The following PDE1C variants were observed in gnomAD, a reference collection of about 807,000 sequenced individuals.
PDE1C encodes the protein dual specificity calcium/calmodulin-dependent 3',5'-cyclic nucleotide phosphodiesterase 1C.
A neutral mutation model predicts 93.1 loss-of-function variants in PDE1C; 62 were observed. The observed-to-expected ratio is 0.67, with a 90% CI of 0.54 to 0.82. PDE1C has a LOEUF of 0.82. Among genes scored for constraint, PDE1C ranks in the 40% least tolerant of loss-of-function variants. The pLI, the probability that PDE1C is intolerant of heterozygous loss-of-function variation, is 0.00. For missense variants in PDE1C, 742 were observed against 884.6 expected (o/e 0.84, Z 2.04); for synonymous variants, 325 against 310.1 (o/e 1.05, Z -0.50).
rs1427877759 is a variant in PDE1C at position 31,774,766 on chromosome 7, A to T, written c.1960+898T>A. Among the ~76,000 whole-genome samples, 7 of 152,260 alleles carry T rather than the reference A, an allele frequency of 4.6e-5. No individual in the cohort carries two copies. In the East Asian group the frequency reaches 1.3e-3, roughly 29 times the overall value. Reference sequence around the variant, plus strand: ...TAAAAGGAAGGAAACAAAACTCTACATAAAGTATTAATCTAATTCAAATCT... The same window carrying T: ...TAAAAGGAAGGAAACAAAACTCTACTTAAAGTATTAATCTAATTCAAATCT... On this transcript the variant is annotated intron_variant, in intron 17 of 17. Transcript: ENST00000396191.
At chr7:32,009,472 T>C (rs112739377) in intron 2 of PDE1C, among the ~76,000 whole-genome samples, 2 of 152,368 alleles carry the variant, frequency 1.3e-5, no homozygotes, top group African/African-American at 4.8e-5. Context: ...GCTGCTTTTG[T>C]ACTACAACAT....
chr7:31,908,521 G>T (rs1800865478), intron 2 of PDE1C, among the ~76,000 whole-genome samples: 1 of 152,124 alleles, frequency 6.6e-6, no homozygotes, highest in East Asian at 1.9e-4. Context: ...CAGTGACTGT[G>T]CCATGCCACA....
chr7:31,721,285 A>T, the PDE1C span, among the ~76,000 whole-genome samples: 410 of 152,372 alleles, frequency 2.7e-3, 2 homozygotes, highest in African/African-American at 9.4e-3. Flanking sequence ...AGCAAATGAC[A>T]TTCAATTATT....
chr7:32,193,186 T>C (rs1326259230), intron 2 of PDE1C, among the ~76,000 whole-genome samples: 1 of 152,198 alleles, frequency 6.6e-6, no homozygotes, highest in African/African-American at 2.4e-5. Context: ...CTTTCAACAC[T>C]ATGTTGAATA....
chr7:31,671,297 C>T, the PDE1C span, among the ~76,000 whole-genome samples: 1 of 152,152 alleles, frequency 6.6e-6, no homozygotes, highest in Non-Finnish European at 1.5e-5. Flanking sequence ...AGCATGGATT[C>T]GTTCCTGATG....
chr7:32,306,538 C>A lies in PDE1C; in HGVS notation c.311-96999G>T, dbSNP rs73314425. Among the ~76,000 whole-genome samples, 838 of 152,340 alleles carry A rather than the reference C, an allele frequency of 5.5e-3. 2 individuals carry two copies. Among genetic ancestry groups the A allele is most frequent in the African/African-American group, 0.019 (792 of 41,570 alleles). On this transcript the variant is annotated intron_variant, in intron 1 of 1. Coordinates refer to the PDE1C transcript ENST00000672256. ...CTGTCTCTCACATGAATTATCACAA[C>A]AGCCTCTCACCTCCACAGCCAGCTT...
At chr7:32,051,374 C>A (rs1427322804) in intron 2 of PDE1C, among the ~76,000 whole-genome samples, 180 bp downstream of exon 2, 2 of 152,180 alleles carry the variant, frequency 1.3e-5, no homozygotes, top group Non-Finnish European at 2.9e-5. Context: ...CTGTGCCTCA[C>A]TAGATGCCTG....
At chr7:31,651,935 G>T in the PDE1C span, 2 of 1,580,834 alleles carry the variant, frequency 1.3e-6, no homozygotes, top group South Asian at 2.3e-5. Flanking sequence ...TTATTTACTT[G>T]CAGGGAGGAG....
At chr7:31,739,234 CA>C in the PDE1C span, among the ~76,000 whole-genome samples, 1 of 151,380 alleles carries the variant, frequency 6.6e-6, no homozygotes, top group African/African-American at 2.4e-5. Context: ...CACACACACA[CA>C]CACCAGCTCT....
At chr7:31,827,535 C>T (rs1346203740) in intron 12 of PDE1C, among the ~76,000 whole-genome samples, 1 of 152,018 alleles carries the variant, frequency 6.6e-6, no homozygotes, top group East Asian at 1.9e-4. Context: ...GTCTTTGTTC[C>T]TATAACATCT....
the PDE1C span, among the ~76,000 whole-genome samples, chr7:31,736,382 G>A: frequency 6.6e-6 from 1 of 152,156 alleles, no homozygotes; most frequent in Non-Finnish European, 1.5e-5. Flanking sequence ...AAGACTGTGA[G>A]TTCCCCAAAC....
At chr7:31,709,971 G>T in the PDE1C span, among the ~76,000 whole-genome samples, 6 of 152,062 alleles carry the variant, frequency 3.9e-5, no homozygotes, top group Non-Finnish European at 7.4e-5. Flanking sequence ...GCAACACAGA[G>T]AGACTCTGTC....
At chr7:31,805,827 TG>T (rs1786753259) in intron 16 of PDE1C, among the ~76,000 whole-genome samples, 1 of 151,926 alleles carries the variant, frequency 6.6e-6, no homozygotes, top group South Asian at 2.1e-4. Flanking sequence ...CTATGCTGCC[TG>T]GAAGTCCTCT....
intron 11 of PDE1C, among the ~76,000 whole-genome samples, chr7:31,829,092 G>A (rs1038223918): frequency 6.6e-6 from 1 of 152,056 alleles, no homozygotes; most frequent in African/African-American, 2.4e-5. Context: ...TACCCCCAGA[G>A]GAAAGGAAAA....
chr7:32,123,467 A>G (rs1799407768), intron 3 of PDE1C, among the ~76,000 whole-genome samples: 1 of 152,104 alleles, frequency 6.6e-6, no homozygotes. Context: ...CCTCAATAAA[A>G]CACCGGCAAA....
chr7:32,277,516 A>T (rs188369436), intron 1 of PDE1C, among the ~76,000 whole-genome samples: 15 of 152,364 alleles, frequency 9.8e-5, no homozygotes, highest in East Asian at 7.7e-4. Flanking sequence ...AAAGATTTTT[A>T]AAAATAATAA....
intron 3 of PDE1C, among the ~76,000 whole-genome samples, chr7:32,147,034 T>C (rs967686828): frequency 2.0e-5 from 3 of 151,866 alleles, no homozygotes; most frequent in Admixed American, 2.0e-4. Context: ...TACAAAGATA[T>C]ATACTAAATC....
At chr7:31,650,939 G>A in the PDE1C span, among the ~76,000 whole-genome samples, 1 of 152,100 alleles carries the variant, frequency 6.6e-6, no homozygotes, top group Non-Finnish European at 1.5e-5. Context: ...AACAACAGCT[G>A]CCCTTCTGTT....
intron 1 of PDE1C, among the ~76,000 whole-genome samples, chr7:32,248,299 G>A (rs577709327): frequency 6.6e-6 from 1 of 152,236 alleles, no homozygotes; most frequent in African/African-American, 2.4e-5. Flanking sequence ...ATTTAGAGTG[G>A]AGGAGAAGAC....
Sources: allele counts gnomAD v4.1 joint callset (sites outside exome capture counted in the v4.1 genomes callset), GRCh38; gene constraint gnomAD v4.1.1; transcripts MANE v1.5; gene names NCBI Gene and HGNC (gene_info 2026-07-23, HGNC 2026-07-21).